TGFBR3: variants seen among roughly 807,000 people sequenced by gnomAD.
The protein encoded by TGFBR3 is transforming growth factor beta receptor type 3.
TGFBR3 carries 46 observed loss-of-function variants against 87.9 expected under a neutral mutation model. The ratio of observed to expected loss-of-function variants is 0.52; its 90% CI spans 0.41 to 0.67. The LOEUF (loss-of-function observed/expected upper bound fraction) is 0.67, where lower values mean the gene tolerates loss of function less well. Ranked by LOEUF, TGFBR3 falls within the 30% of genes least tolerant of loss-of-function variation. The pLI, the probability that TGFBR3 is intolerant of heterozygous loss-of-function variation, is 0.00. For synonymous variants in TGFBR3, 381 were observed against 391.6 expected (o/e 0.97, Z 0.32); for missense variants, 866 against 1,041.9 (o/e 0.83, Z 2.32).
chr1:91,772,035 C>T (rs1325694047), intron 3 of TGFBR3, among the ~76,000 whole-genome samples: 1 of 152,014 alleles, frequency 6.6e-6, no homozygotes, highest in Non-Finnish European at 1.5e-5. Context: ...ATACTTAATT[C>T]AGACGGAGCT....
chr1:91,905,820 A>G (rs903631461), intron 1 of TGFBR3: 1 of 152,232 alleles, frequency 6.6e-6, no homozygotes, highest in East Asian at 1.9e-4. Context: ...AAAAGAAGGT[A>G]CTGACCTCAA....
At chr1:91,741,225 A>G (rs977436000) in intron 4 of TGFBR3, among the ~76,000 whole-genome samples, 1 of 152,212 alleles carries the variant, frequency 6.6e-6, no homozygotes, top group Non-Finnish European at 1.5e-5. Context: ...CTGAGGTTCA[A>G]TTATTTTCTA....
chr1:91,879,451 C>T (rs377586208), intron 1 of TGFBR3, among the ~76,000 whole-genome samples: 2 of 152,230 alleles, frequency 1.3e-5, no homozygotes, highest in South Asian at 2.1e-4. Flanking sequence ...CAGCAGGGCA[C>T]ATTAGGATGG....
chr1:91,784,042 C>T (rs867768195), intron 3 of TGFBR3, among the ~76,000 whole-genome samples: 8 of 151,924 alleles, frequency 5.3e-5, no homozygotes, highest in African/African-American at 1.2e-4. Flanking sequence ...ACCCAGCTGA[C>T]GGAAAGGACT....
intron 14 of TGFBR3, among the ~76,000 whole-genome samples, chr1:91,705,684 C>T (rs538449036): frequency 6.6e-6 from 1 of 152,164 alleles, no homozygotes; most frequent in African/African-American, 2.4e-5. Context: ...AGAAAACTTA[C>T]CCCAGTAAGC....
chr1:91,884,520 A>G (rs1679218018), intron 1 of TGFBR3, among the ~76,000 whole-genome samples: 1 of 152,180 alleles, frequency 6.6e-6, no homozygotes, highest in Non-Finnish European at 1.5e-5. Context: ...GAGAAGATGC[A>G]TGGACTATGC....
chr1:91,857,071 G>A (rs1677981603), intron 2 of TGFBR3, among the ~76,000 whole-genome samples: 2 of 152,166 alleles, frequency 1.3e-5, no homozygotes, highest in African/African-American at 4.8e-5. Flanking sequence ...AGCTGGCAGA[G>A]ATCAAGCCCT....
intron 2 of TGFBR3, among the ~76,000 whole-genome samples, chr1:91,855,449 A>G (rs2101163462): frequency 2.6e-5 from 4 of 152,324 alleles, no homozygotes; most frequent in Admixed American, 2.6e-4. Context: ...CTTATTACTA[A>G]AACTCCTGGA....
chr1:91,683,526 T>C lies in TGFBR3; in HGVS notation c.*213A>G. 1.4e-6 allele frequency: 1 copy of C among 695,090 alleles called. No homozygotes were observed. Among genetic ancestry groups the C allele is most frequent in the South Asian group, 1.5e-5 (1 of 66,614 alleles). The allele number at this position is 695,090 out of a possible 1,614,324, so 43.1% of individuals were successfully genotyped here. A position where few individuals can be genotyped will look rare whatever the true frequency, so the allele number is the denominator to read the frequency against. On this transcript the variant is annotated 3_prime_UTR_variant, in exon 17 of 17. Coordinates refer to ENST00000212355, the MANE Select transcript of TGFBR3 (RefSeq NM_003243.5). ...TAGCTTTCTCACATGAATTCTAGTGTGGTACAGAAGCCCAGGGTCATGTTT... is the reference window on the plus strand; with the variant it reads ...TAGCTTTCTCACATGAATTCTAGTGCGGTACAGAAGCCCAGGGTCATGTTT...
Position 91,681,077 on chromosome 1 carries a change from C to T in TGFBR3, c.*2662G>A. On this transcript the variant is annotated 3_prime_UTR_variant, in exon 17 of 17. Transcript: ENST00000212355. ...CTCTGCAAATTAAGGGTGTAGCCTG[C>T]AGAAATAACAAAAGACTGCAGATAC... 2 of 453,956 alleles carry T rather than the reference C, an allele frequency of 4.4e-6. No homozygotes were observed. Among genetic ancestry groups the T allele is most frequent in the Non-Finnish European group, 8.8e-6 (2 of 226,764 alleles). 28.1% of individuals were successfully genotyped at this position (453,956 alleles called of 1,614,324 possible).
At chr1:91,684,008 A>T in intron 16 of TGFBR3, 151 bp from the exon 17 acceptor site, 2 of 661,448 alleles carry the variant, frequency 3.0e-6, no homozygotes, top group Non-Finnish European at 5.2e-6. Flanking sequence ...AGATGGCTGG[A>T]ATACCTTCTA....
rs1226289279 is a variant in TGFBR3, at chr1:91,712,233, G to A, written c.2166+10C>T. Reference sequence around the variant, plus strand: ...AAAATAACCATCCGAATGGATGAAGGCCCACAAACCTTAGGCAACTTCTGG... The same window carrying A: ...AAAATAACCATCCGAATGGATGAAGACCCACAAACCTTAGGCAACTTCTGG... On this transcript the variant is annotated intron_variant, in intron 13 of 16. Transcript: ENST00000212355. 6.2e-7 allele frequency: 1 copy of A among 1,613,340 alleles called. No homozygotes were observed. The highest frequency in any genetic ancestry group is 1.3e-5 in the African/African-American group (1 of 74,908).
Position 91,727,800 on chromosome 1 carries a change from G to C in TGFBR3, c.744C>G (p.Phe248Leu). 1 of 1,613,812 alleles carries C rather than the reference G, an allele frequency of 6.2e-7. No individual in the cohort carries two copies. Residue 248 changes from phenylalanine to leucine, a missense_variant, in exon 7 of 17, where the codon TTC becomes TTG. Transcript: ENST00000212355. Reference sequence around the variant, plus strand: ...TTATATCAATTGTTATATCCACCTGGAAAGCACTGTGAATGGAAGACAAAG... The same window carrying C: ...TTATATCAATTGTTATATCCACCTGCAAAGCACTGTGAATGGAAGACAAAG... ...ITPNSNPYSA[F>L]QVDITIDIRP...
chr1:91,814,990 T>TA (rs1377910708), intron 2 of TGFBR3, among the ~76,000 whole-genome samples: 2 of 152,114 alleles, frequency 1.3e-5, no homozygotes, highest in Non-Finnish European at 2.9e-5. Context: ...TACTATACTG[T>TA]GAGCAATTTA....
At chr1:91,784,971 T>C (rs1426938823) in intron 3 of TGFBR3, among the ~76,000 whole-genome samples, 1 of 152,210 alleles carries the variant, frequency 6.6e-6, no homozygotes, top group Non-Finnish European at 1.5e-5. Flanking sequence ...TTGCAGGCCA[T>C]GCAGGTCTCT....
chr1:91,826,741 T>C (rs1345727699), intron 2 of TGFBR3, among the ~76,000 whole-genome samples: 1 of 18,346 alleles, frequency 5.5e-5, no homozygotes, highest in African/African-American at 1.9e-4. Context: ...TCCCATCCAC[T>C]ATTAAAAAAA....
chr1:91,695,783 T>A lies in TGFBR3; in HGVS notation c.2330-4A>T. The A allele has an allele frequency of 6.2e-7, 1 of 1,613,636 alleles. No homozygotes were observed. The highest frequency in any genetic ancestry group is 1.1e-5 in the South Asian group (1 of 91,074). On this transcript the variant is annotated splice_polypyrimidine_tract_variant and splice_region_variant and intron_variant, in intron 15 of 16. Transcript: ENST00000212355. ...GTGTCCAGACCATGGAAAATTGCTATAAAGGAGAGAAACCGATACACACAA... is the reference window on the plus strand; with the variant it reads ...GTGTCCAGACCATGGAAAATTGCTAAAAAGGAGAGAAACCGATACACACAA...
intron 2 of TGFBR3, among the ~76,000 whole-genome samples, chr1:91,833,604 C>T (rs1676945928): frequency 6.6e-6 from 1 of 150,754 alleles, no homozygotes; most frequent in South Asian, 2.1e-4. Flanking sequence ...CCCACATCTA[C>T]TAAAAATAAA....
intron 2 of TGFBR3, chr1:91,899,620 T>C (rs930050070): frequency 6.6e-5 from 10 of 152,098 alleles, no homozygotes; most frequent in African/African-American, 2.4e-4. Context: ...CTTAGGTGAC[T>C]TTTCCCAGGT....
Sources: gnomAD v4.1 joint callset for allele counts (sites outside exome capture counted in the v4.1 genomes callset) on GRCh38, gnomAD v4.1.1 for gene constraint, MANE v1.5 for transcripts, NCBI Gene and HGNC (gene_info 2026-07-23, HGNC 2026-07-21) for gene names.